The following NLRC5 variants were observed in gnomAD, a reference collection of about 807,000 sequenced individuals.
The protein encoded by NLRC5 is protein NLRC5.
A neutral mutation model predicts 206.9 loss-of-function variants in NLRC5; 114 were observed. The observed-to-expected ratio is 0.55, with a 90% CI of 0.47 to 0.64. NLRC5 has a LOEUF of 0.64. Ranked by LOEUF, NLRC5 falls within the 30% of genes least tolerant of loss-of-function variation. The pLI, the probability that NLRC5 is intolerant of heterozygous loss-of-function variation, is 0.00. For synonymous variants in NLRC5, 952 were observed against 962.8 expected (o/e 0.99, Z 0.21); for missense variants, 2,008 against 2,305.5 (o/e 0.87, Z 2.64).
Position 57,059,023 on chromosome 16 carries a change from A to G in NLRC5, c.3882A>G (p.Thr1294=), listed in dbSNP as rs564876248. The G allele has an allele frequency of 1.1e-5, 17 of 1,614,148 alleles. No homozygotes were observed. The highest frequency in any genetic ancestry group is 1.4e-5 in the Non-Finnish European group (16 of 1,180,006). The change falls in exon 29 of 49, where the codon ACA becomes ACG. Residue 1294 remains threonine, a synonymous_variant. Transcript: ENST00000688547. ...AAAGTGCCCTGTACCTGCTGGAGAC[A>G]CTGCCCTCCTGCCCACGTGTCCGGG... ...SQESALYLLE[T]LPSCPRVREA...
At chr16:57,006,317 G>A (rs188320581) in intron 1 of NLRC5, among the ~76,000 whole-genome samples, 25 of 150,804 alleles carry the variant, frequency 1.7e-4, no homozygotes, top group Non-Finnish European at 2.7e-4. Flanking sequence ...CACAAAGGAA[G>A]CATATTCTAC....
At chr16:56,997,049 T>C (rs1339768956) in intron 1 of NLRC5, among the ~76,000 whole-genome samples, 1 of 152,134 alleles carries the variant, frequency 6.6e-6, no homozygotes, top group African/African-American at 2.4e-5. Flanking sequence ...TTTTTGCATT[T>C]TTTGTAAAGA....
In NLRC5 at chr16:57,058,090, A is replaced by C; in HGVS notation, c.3772A>C (p.Ser1258Arg). The C allele has an allele frequency of 1.9e-6, 3 of 1,612,698 alleles. No individual in the cohort carries two copies. The highest frequency in any genetic ancestry group is 2.5e-6 in the Non-Finnish European group (3 of 1,179,360). ...TCTCTCAGCAAACCTGCTGGGCGACAGCGGACTCAGATGCCTTCTGGAATG... is the reference window on the plus strand; with the variant it reads ...TCTCTCAGCAAACCTGCTGGGCGACCGCGGACTCAGATGCCTTCTGGAATG... ...VDLSANLLGD[S>R]GLRCLLECLP... The change falls in exon 28 of 49, where the codon AGC becomes CGC. Residue 1258 changes from serine (S) to arginine (R), a missense_variant. Transcript: ENST00000688547.
intron 1 of NLRC5, among the ~76,000 whole-genome samples, chr16:57,016,522 G>A (rs959942139): frequency 1.3e-5 from 2 of 152,176 alleles, no homozygotes; most frequent in Non-Finnish European, 2.9e-5. Context: ...GTTGCGTGGT[G>A]TGGGAGTTTG....
chr16:57,049,061 T>G (rs2064427832), intron 23 of NLRC5, among the ~76,000 whole-genome samples: 1 of 152,124 alleles, frequency 6.6e-6, no homozygotes, highest in Admixed American at 6.5e-5. Context: ...AAGAATTGTC[T>G]TGGGCCACAC....
At chr16:57,041,162 T>A (rs1317178668) in intron 17 of NLRC5, among the ~76,000 whole-genome samples, 1 of 152,182 alleles carries the variant, frequency 6.6e-6, no homozygotes, top group East Asian at 1.9e-4. Context: ...CCCTCTCTCA[T>A]CGTGTATTTC....
intron 1 of NLRC5, among the ~76,000 whole-genome samples, chr16:57,012,839 C>T (rs1254387892): frequency 2.6e-5 from 4 of 152,176 alleles, no homozygotes; most frequent in Non-Finnish European, 4.4e-5. Context: ...GCAATATATA[C>T]GGTGTCCTGT....
intron 13 of NLRC5, chr16:57,034,519 A>C (rs2062280438): frequency 2.4e-6 from 1 of 410,904 alleles, no homozygotes; most frequent in Non-Finnish European, 4.4e-6. Context: ...TAGAGGAGGA[A>C]GTTAAGCTGC....
chr16:57,023,573 C>T (rs1243047661), intron 4 of NLRC5, among the ~76,000 whole-genome samples: 1 of 152,196 alleles, frequency 6.6e-6, no homozygotes, highest in Non-Finnish European at 1.5e-5. Context: ...AGAACATCCA[C>T]CTTCCAATGG....
At chr16:57,081,489 TG>T (rs1415140696) in intron 47 of NLRC5, 37 bp from the exon 48 acceptor site, 1 of 1,590,426 alleles carries the variant, frequency 6.3e-7, no homozygotes, top group African/African-American at 1.3e-5. Flanking sequence ...CTCATGGCCG[TG>T]TTTCTCTTTC....
chr16:57,019,641 C>T (rs751181413), intron 2 of NLRC5, among the ~76,000 whole-genome samples: 2 of 152,188 alleles, frequency 1.3e-5, no homozygotes, highest in Non-Finnish European at 2.9e-5. Flanking sequence ...TTCAATATGG[C>T]TGCCCAAGAT....
intron 5 of NLRC5, among the ~76,000 whole-genome samples, chr16:57,024,945 G>A (rs772601427): frequency 3.3e-5 from 5 of 152,122 alleles, no homozygotes; most frequent in Non-Finnish European, 7.3e-5. Context: ...AGGAGTTTGC[G>A]GCTACAGTAA....
intron 36 of NLRC5, 75 bp downstream of exon 36, chr16:57,067,903 C>T (rs1224690674): frequency 1.2e-5 from 15 of 1,204,802 alleles, no homozygotes; most frequent in Non-Finnish European, 1.5e-5. Context: ...ATTCCCAGCC[C>T]TGGGCTCAGA....
At chr16:57,014,246 T>C (rs1470643350) in intron 1 of NLRC5, 2 of 159,570 alleles carry the variant, frequency 1.3e-5, no homozygotes, top group African/African-American at 2.4e-5. Flanking sequence ...CTTTTTTCTT[T>C]CAATATCATG....
chr16:57,003,664 A>G (rs1387961658), intron 1 of NLRC5, among the ~76,000 whole-genome samples: 2 of 151,882 alleles, frequency 1.3e-5, no homozygotes, highest in Non-Finnish European at 2.9e-5. Flanking sequence ...CATGCGCAGG[A>G]TGGACCTCTT....
chr16:57,036,169 C>A lies in NLRC5; in HGVS notation c.2697C>A (p.Ile899=). The A allele has an allele frequency of 6.2e-7, 1 of 1,613,276 alleles. No individual in the cohort carries two copies. Among genetic ancestry groups the A allele is most frequent in the Non-Finnish European group, 8.5e-7 (1 of 1,179,928 alleles). Reference sequence around the variant, plus strand: ...CAGAGGCTGCATCCCAGCTGCACATCGCCAGGAAGCTGGAGTGAGTTGTCC... The same window carrying A: ...CAGAGGCTGCATCCCAGCTGCACATAGCCAGGAAGCTGGAGTGAGTTGTCC... ...LMAEAASQLH[I]ARKLDLSNNG... is the part of the protein sequence containing the mutation. Residue 899 remains isoleucine, a synonymous_variant, in exon 14 of 49, where the codon ATC becomes ATA. Coordinates refer to ENST00000688547, the MANE Select transcript of NLRC5 (RefSeq NM_001384950.1).
At chr16:57,013,465 A>G in intron 1 of NLRC5, 2 of 704,660 alleles carry the variant, frequency 2.8e-6, no homozygotes, top group African/African-American at 1.8e-5. Flanking sequence ...AAAGCTGTCC[A>G]GAGAAATCTG....
intron 13 of NLRC5, among the ~76,000 whole-genome samples, chr16:57,035,237 C>T (rs2062400032): frequency 6.6e-6 from 1 of 152,094 alleles, no homozygotes; most frequent in Non-Finnish European, 1.5e-5. Context: ...TTTTCCTCCA[C>T]CTTTCTAGTC....
In NLRC5 at chr16:57,083,480, A is replaced by G. The variant is rs2069367032; in HGVS notation, c.*952A>G. 1 of 152,244 alleles carries G rather than the reference A, an allele frequency of 6.6e-6. No homozygotes were observed. The highest frequency in any genetic ancestry group is 1.5e-5 in the Non-Finnish European group (1 of 68,054). The allele number at this position is 152,244 out of a possible 1,614,324, so 9.4% of individuals were successfully genotyped here. ...GGAGAACCAAGAATGGCTCTGTCACACTCGAAGCCAGGCTTGATCAATAAA... is the reference window on the plus strand; with the variant it reads ...GGAGAACCAAGAATGGCTCTGTCACGCTCGAAGCCAGGCTTGATCAATAAA... On this transcript the variant is annotated 3_prime_UTR_variant, in exon 49 of 49. Transcript: ENST00000688547.
Sources: allele counts gnomAD v4.1 joint callset (sites outside exome capture counted in the v4.1 genomes callset), GRCh38; gene constraint gnomAD v4.1.1; transcripts MANE v1.5; gene names NCBI Gene and HGNC (gene_info 2026-07-23, HGNC 2026-07-21).